MACROD2: variants seen among roughly 807,000 people sequenced by gnomAD.
MACROD2 encodes mono-ADP ribosylhydrolase 2.
A neutral mutation model predicts 70.4 loss-of-function variants in MACROD2; 36 were observed. That is an observed-to-expected ratio of 0.51 (90% CI 0.39 to 0.68). The LOEUF is 0.68. Ranked by LOEUF, MACROD2 falls within the 30% of genes least tolerant of loss-of-function variation. The pLI is 0.00. For missense variants in MACROD2, 496 were observed against 538.4 expected (o/e 0.92, Z 0.78); for synonymous variants, 172 against 178.8 (o/e 0.96, Z 0.30).
rs62209483 is a variant in MACROD2, at chr20:14,051,998, G to A, written c.164-33623G>A. ...GCCTGAGGATCCTTGCCTGGAACAA[G>A]TTATGGAAAGAAAGTCTTACAGGTA... On this transcript the variant is annotated intron_variant, in intron 2 of 17. Transcript: ENST00000684519. 2,067 of 497,398 alleles carry A rather than the reference G, an allele frequency of 4.2e-3. 11 individuals are homozygous for A. Among genetic ancestry groups the A allele is most frequent in the South Asian group, 6.3e-3 (424 of 67,468 alleles). The allele number at this position is 497,398 out of a possible 1,614,324, so 30.8% of individuals were successfully genotyped here.
rs1199005050 is a variant in MACROD2, at chr20:15,390,190, C to T, written c.541-41215C>T. Among the ~76,000 whole-genome samples, 4 of 152,114 alleles carry T rather than the reference C, an allele frequency of 2.6e-5. 1 individual carries two copies. The highest frequency in any genetic ancestry group is 5.9e-5 in the Non-Finnish European group (4 of 68,030). On this transcript the variant is annotated intron_variant, in intron 6 of 17. Transcript: ENST00000684519. ...TGATGAAGGAGCTCACCGACAGTCC[C>T]TGTCACTCGTCCTAGGAGGGATGAC...
At chr20:14,653,034 C>A (rs1198618312) in intron 4 of MACROD2, among the ~76,000 whole-genome samples, 1 of 152,144 alleles carries the variant, frequency 6.6e-6, no homozygotes, top group Non-Finnish European at 1.5e-5. Flanking sequence ...AAGCTGATTA[C>A]CCTCTCTGAG....
chr20:15,086,031 A>C (rs1190287495), intron 5 of MACROD2, among the ~76,000 whole-genome samples: 1 of 151,984 alleles, frequency 6.6e-6, no homozygotes, highest in African/African-American at 2.4e-5. Context: ...AACCAGATCT[A>C]CTGAATTAGA....
intron 8 of MACROD2, among the ~76,000 whole-genome samples, chr20:15,800,336 G>A (rs2063712754): frequency 1.3e-5 from 2 of 152,094 alleles, no homozygotes; most frequent in Non-Finnish European, 2.9e-5. Flanking sequence ...TGCCTATGAA[G>A]TCTGAGCCAC....
intron 3 of MACROD2, among the ~76,000 whole-genome samples, chr20:14,148,936 T>C (rs1390948479): frequency 6.6e-6 from 1 of 152,066 alleles, no homozygotes; most frequent in Non-Finnish European, 1.5e-5. Context: ...TGGTAAGAAG[T>C]ATGAGGTTCC....
intron 2 of MACROD2, among the ~76,000 whole-genome samples, chr20:14,010,357 C>A (rs984905949): frequency 6.6e-6 from 1 of 151,804 alleles, no homozygotes; most frequent in Non-Finnish European, 1.5e-5. Flanking sequence ...GGATGGGGGG[C>A]TGGTTGGTCC....
At chr20:14,582,328 G>A (rs550118124) in intron 4 of MACROD2, among the ~76,000 whole-genome samples, 6 of 151,924 alleles carry the variant, frequency 3.9e-5, no homozygotes, top group Non-Finnish European at 5.9e-5. Flanking sequence ...CACAAATCTC[G>A]AATGCTGGAA....
chr20:15,888,203 C>T (rs1443085776), intron 10 of MACROD2, among the ~76,000 whole-genome samples: 2 of 152,148 alleles, frequency 1.3e-5, no homozygotes, highest in Non-Finnish European at 1.5e-5. Flanking sequence ...TTTTATAAAA[C>T]ATAGAGCTCA....
chr20:14,392,551 A>G (rs1054609188), intron 3 of MACROD2, among the ~76,000 whole-genome samples: 1 of 152,242 alleles, frequency 6.6e-6, no homozygotes, highest in African/African-American at 2.4e-5. Context: ...ATAAATTAAG[A>G]TGGAAAATTA....
chr20:14,711,064 T>C (rs1410845304), intron 5 of MACROD2, among the ~76,000 whole-genome samples: 2 of 152,220 alleles, frequency 1.3e-5, no homozygotes, highest in Non-Finnish European at 1.5e-5. Context: ...ATTTTTATCT[T>C]TTCCTGAATC....
chr20:14,880,894 G>C (rs2073603817), intron 5 of MACROD2, among the ~76,000 whole-genome samples: 1 of 152,136 alleles, frequency 6.6e-6, no homozygotes, highest in South Asian at 2.1e-4. Context: ...GTTGCTGGGA[G>C]CTACTGCCGC....
At chr20:15,915,250 GT>G (rs1459764966) in intron 10 of MACROD2, among the ~76,000 whole-genome samples, 3 of 152,048 alleles carry the variant, frequency 2.0e-5, no homozygotes, top group Non-Finnish European at 2.9e-5. Context: ...TAGTCGCAAG[GT>G]TGGGTGCCCT....
intron 5 of MACROD2, among the ~76,000 whole-genome samples, chr20:15,063,243 A>G (rs907792066): frequency 6.6e-6 from 1 of 152,092 alleles, no homozygotes; most frequent in African/African-American, 2.4e-5. Context: ...TGCAAATTGC[A>G]ATGTCATCAT....
chr20:15,069,784 G>A (rs573542534), intron 5 of MACROD2, among the ~76,000 whole-genome samples: 2 of 152,334 alleles, frequency 1.3e-5, no homozygotes, highest in Admixed American at 6.5e-5. Flanking sequence ...ATGGGAAAGC[G>A]TGGGTGCCCA....
At chr20:15,366,313 T>C (rs1053516179) in intron 6 of MACROD2, among the ~76,000 whole-genome samples, 1 of 152,346 alleles carries the variant, frequency 6.6e-6, no homozygotes, top group Admixed American at 6.5e-5. Context: ...TGCTCTGGGC[T>C]TTCTGCTATT....
chr20:15,553,772 A>G (rs2048129202), intron 8 of MACROD2, among the ~76,000 whole-genome samples: 1 of 152,210 alleles, frequency 6.6e-6, no homozygotes, highest in Non-Finnish European at 1.5e-5. Context: ...AAAGAAGCAT[A>G]TTCAAGAATG....
intron 5 of MACROD2, among the ~76,000 whole-genome samples, chr20:15,205,875 G>A (rs1462127362): frequency 6.6e-6 from 1 of 152,230 alleles, no homozygotes; most frequent in Non-Finnish European, 1.5e-5. Flanking sequence ...TTGCCAAAAA[G>A]CAAATGAGCT....
intron 4 of MACROD2, among the ~76,000 whole-genome samples, chr20:14,545,471 C>T (rs1224505895): frequency 6.6e-6 from 1 of 152,170 alleles, no homozygotes; most frequent in Non-Finnish European, 1.5e-5. Flanking sequence ...CCACCAGTCC[C>T]TTGCATTGTT....
Position 15,355,077 on chromosome 20 carries a change from C to G in MACROD2, c.541-76328C>G, listed in dbSNP as rs151309533. 2.7e-3 allele frequency among the ~76,000 whole-genome samples: 411 copies of G among 152,276 alleles called. 4 individuals carry two copies. The highest frequency in any genetic ancestry group is 9.2e-3 in the African/African-American group (384 of 41,554). On this transcript the variant is annotated intron_variant, in intron 6 of 17. Transcript: ENST00000684519. Reference sequence around the variant, plus strand: ...AGTTGGGACTGATGTTCTGTTTCAACCCAACTGATCTAATGCCAACTGGAG... The same window carrying G: ...AGTTGGGACTGATGTTCTGTTTCAAGCCAACTGATCTAATGCCAACTGGAG...
Sources: gnomAD v4.1 joint callset for allele counts (sites outside exome capture counted in the v4.1 genomes callset) on GRCh38, gnomAD v4.1.1 for gene constraint, MANE v1.5 for transcripts, NCBI Gene and HGNC (gene_info 2026-07-23, HGNC 2026-07-21) for gene names.